MAP3K4: variants seen among roughly 807,000 people sequenced by gnomAD.
MAP3K4 encodes mitogen-activated protein kinase kinase kinase 4.
A neutral mutation model predicts 185.6 loss-of-function variants in MAP3K4; 67 were observed. The observed-to-expected ratio is 0.36, with a 90% confidence interval of 0.30 to 0.44. The LOEUF (loss-of-function observed/expected upper bound fraction) is 0.44. Among genes scored for constraint, MAP3K4 ranks in the 20% least tolerant of loss-of-function variants. The pLI, the probability that MAP3K4 is intolerant of heterozygous loss-of-function variation, is 1.00. For missense variants in MAP3K4, 1,551 were observed against 1,995.1 expected, an observed-to-expected ratio of 0.78 and a Z score of 4.24; for synonymous variants, 702 against 710.4, an observed-to-expected ratio of 0.99 and a Z score of 0.19.
chr6:160,997,413 T>C (rs1562468855), intron 1 of MAP3K4, among the ~76,000 whole-genome samples: 2 of 152,228 alleles, frequency 1.3e-5, no homozygotes, highest in Non-Finnish European at 2.9e-5. Flanking sequence ...TAAAATTAAA[T>C]TTTAAAAAAT....
chr6:161,067,168 TC>T lies in MAP3K4; in HGVS notation c.1708-3439del. 1 of 317,560 alleles carries T rather than the reference TC, an allele frequency of 3.1e-6. No individual in the cohort carries two copies. The highest frequency in any genetic ancestry group is 1.1e-4 in the East Asian group (1 of 9,062). The allele number at this position is 317,560 out of a possible 1,614,324, so 19.7% of individuals were successfully genotyped here. ...TCCTGACTATGTGTGCCCAAGGTGGTCAGGGCACAGCTTGGTTTTATACATT... is the reference window on the plus strand; with the variant it reads ...TCCTGACTATGTGTGCCCAAGGTGGTAGGGCACAGCTTGGTTTTATACATT... On this transcript the variant is annotated intron_variant, in intron 3 of 26. Coordinates refer to ENST00000392142, the MANE Select transcript of MAP3K4 (RefSeq NM_005922.4). The surrounding 1 kb of genome is among the most constrained non-coding windows in gnomAD (Gnocchi z 6.3).
At chr6:160,998,367 T>C (rs1307567284) in intron 1 of MAP3K4, among the ~76,000 whole-genome samples, 4 of 152,218 alleles carry the variant, frequency 2.6e-5, no homozygotes, top group Non-Finnish European at 5.9e-5. Flanking sequence ...AAACTTTTTA[T>C]GATGAACGTG....
intron 1 of MAP3K4, among the ~76,000 whole-genome samples, chr6:161,014,207 C>G (rs928544629): frequency 6.6e-6 from 1 of 152,156 alleles, no homozygotes; most frequent in African/African-American, 2.4e-5. Context: ...TAATAAAAGA[C>G]AAAGGAGCGC....
Position 161,022,913 on chromosome 6 carries a change from A to G in MAP3K4, c.153-11346A>G, listed in dbSNP as rs1347487163. ...TAAGTACTCCGTGCCTAACGGTAGC[A>G]ATTATACTGTTACAGTGAAAATTCT... On this transcript the variant is annotated intron_variant, in intron 1 of 26. Coordinates refer to ENST00000392142, the MANE Select transcript of MAP3K4 (RefSeq NM_005922.4). The surrounding 1 kb of genome is among the most constrained non-coding windows in gnomAD (Gnocchi z 4.2). 6.6e-6 allele frequency among the ~76,000 whole-genome samples: 1 copy of G among 152,212 alleles called. No homozygotes were observed. The highest frequency in any genetic ancestry group is 1.5e-5 in the Non-Finnish European group (1 of 68,038).
chr6:161,081,268 TG>T (rs1474777497), intron 6 of MAP3K4, among the ~76,000 whole-genome samples: 1 of 114,724 alleles, frequency 8.7e-6, no homozygotes, highest in African/African-American at 3.4e-5. Context: ...TGGTCATGAC[TG>T]GGAAGATGCT....
rs78275214 is a variant in MAP3K4 at position 161,008,603 on chromosome 6, A to G, written c.152+16520A>G. 0.047 allele frequency among the ~76,000 whole-genome samples: 7,134 copies of G among 152,250 alleles called. 212 individuals carry two copies. Among genetic ancestry groups the G allele is most frequent in the Non-Finnish European group, 0.056 (3,778 of 68,002 alleles). ...ATTTTTGTATGATATTTATTGTTGTATAATTTAACAAAGACATACTTGTGT... is the reference window on the plus strand; with the variant it reads ...ATTTTTGTATGATATTTATTGTTGTGTAATTTAACAAAGACATACTTGTGT... On this transcript the variant is annotated intron_variant, in intron 1 of 26. Coordinates refer to ENST00000392142, the MANE Select transcript of MAP3K4 (RefSeq NM_005922.4). The surrounding 1 kb of genome is among the most constrained non-coding windows in gnomAD (Gnocchi z 4.1).
At position 161,106,353 on chromosome 6, in the gene MAP3K4, C is replaced by T. The variant is rs983731734; in HGVS notation, c.3857-161C>T. Among the ~76,000 whole-genome samples the T allele has an allele frequency of 5.3e-5, 8 of 152,062 alleles. No homozygotes were observed. Among genetic ancestry groups the T allele is most frequent in the South Asian group, 2.1e-4 (1 of 4,810 alleles). The stretch of plus-strand genomic sequence containing the variant: ...GGGTGGCATATGCTGGAATGAGTAG[C>T]GTTTGAAGAACTTTAATTCACCTGC... On this transcript the variant is annotated intron_variant, in intron 19 of 26. Coordinates refer to ENST00000392142, the MANE Select transcript of MAP3K4 (RefSeq NM_005922.4). The surrounding 1 kb of genome is among the most constrained non-coding windows in gnomAD (Gnocchi z 4.9).
intron 25 of MAP3K4, among the ~76,000 whole-genome samples, chr6:161,113,985 CAG>C (rs1554288516): frequency 2.0e-5 from 3 of 151,790 alleles, no homozygotes; most frequent in Non-Finnish European, 4.4e-5. Flanking sequence ...TTGGTAGAGA[CAG>C]GGTTTCACTG....
chr6:161,012,669 A>G (rs967080763), intron 1 of MAP3K4, among the ~76,000 whole-genome samples: 2 of 152,184 alleles, frequency 1.3e-5, no homozygotes, highest in Non-Finnish European at 2.9e-5. Flanking sequence ...TCTCAAATCC[A>G]TATTTGTTAC....
chr6:161,103,363 C>T lies in MAP3K4; in HGVS notation c.3856+584C>T, dbSNP rs981060985. Among the ~76,000 whole-genome samples, 1 of 152,208 alleles carries T rather than the reference C, an allele frequency of 6.6e-6. No individual in the cohort carries two copies. Among genetic ancestry groups the T allele is most frequent in the African/African-American group, 2.4e-5 (1 of 41,452 alleles). ...GTCTCAAGTCTAGCGCACTCCATGG[C>T]AGCTTCCCTTTGAACTTTGTGTGAC... On this transcript the variant is annotated intron_variant, in intron 19 of 26. Coordinates refer to ENST00000392142, the MANE Select transcript of MAP3K4 (RefSeq NM_005922.4). This position sits in a 1 kb window ranked among gnomAD's most constrained non-coding sequence, Gnocchi z 4.6.
At position 161,107,529 on chromosome 6, in the gene MAP3K4, T is replaced by G. The variant is rs1016227100; in HGVS notation, c.4049-370T>G. ...CCAGTGAGGAAGACAATGGTCAGGC[T>G]TAGTCCTGGCTGTTTTCTGCTGCTC... On this transcript the variant is annotated intron_variant, in intron 20 of 26. Coordinates refer to ENST00000392142, the MANE Select transcript of MAP3K4 (RefSeq NM_005922.4). This position sits in a 1 kb window ranked among gnomAD's most constrained non-coding sequence, Gnocchi z 6.2. 6.6e-6 allele frequency among the ~76,000 whole-genome samples: 1 copy of G among 152,206 alleles called. No individual in the cohort carries two copies. The highest frequency in any genetic ancestry group is 1.5e-5 in the Non-Finnish European group (1 of 68,030).
chr6:161,070,699 C>G lies in MAP3K4; in HGVS notation c.1799C>G (p.Ser600Trp). The G allele has an allele frequency of 6.2e-7, 1 of 1,614,028 alleles. No homozygotes were observed. The highest frequency in any genetic ancestry group is 8.5e-7 in the Non-Finnish European group (1 of 1,180,014). The change falls in exon 4 of 27, where the codon TCG becomes TGG. Residue 600 changes from serine to tryptophan, a missense_variant. Physicochemically the swap from Ser to Trp is radical, Grantham distance 177. This residue lies in a region of MAP3K4 where 86 missense variants were observed against 81.6 expected (regional missense o/e 1.05). Transcript: ENST00000392142. The surrounding 1 kb of genome is among the most constrained non-coding windows in gnomAD (Gnocchi z 4.5). ...TCTGAGGAGAAATGCAGTGCTGTGT[C>G]GTGGGAGGAGCTGAAGGCCATGGAT... ...PSSEEKCSAVSWEELKAMDLP... is the reference protein window; with the variant it reads ...PSSEEKCSAVWWEELKAMDLP...
chr6:161,060,612 C>CT (rs1784441243), intron 3 of MAP3K4, among the ~76,000 whole-genome samples: 1 of 136,856 alleles, frequency 7.3e-6, no homozygotes, highest in Non-Finnish European at 1.6e-5. Flanking sequence ...GTTTTGTTTT[C>CT]TTTTTCTTTT....
In MAP3K4 at chr6:161,048,612, A is replaced by G. The variant is rs904577409; in HGVS notation, c.344-4A>G. 6.5e-7 allele frequency: 1 copy of G among 1,545,522 alleles called. No individual in the cohort carries two copies. The highest frequency in any genetic ancestry group is 1.4e-5 in the African/African-American group (1 of 71,310). On this transcript the variant is annotated splice_polypyrimidine_tract_variant and splice_region_variant and intron_variant, in intron 2 of 26. Transcript: ENST00000392142. This position sits in a 1 kb window ranked among gnomAD's most constrained non-coding sequence, Gnocchi z 4.7. ...AATGTTCTGTTTATTTTTTTTTTTA[A>G]TAGAAAAAATGAATGCACCAAATCA...
chr6:161,032,295 C>T (rs960604288), intron 1 of MAP3K4, among the ~76,000 whole-genome samples: 1 of 152,116 alleles, frequency 6.6e-6, no homozygotes, highest in Non-Finnish European at 1.5e-5. Flanking sequence ...TAAGGTGAAG[C>T]AGATAGATGA....
intron 7 of MAP3K4, among the ~76,000 whole-genome samples, chr6:161,085,924 C>T (rs1056440925): frequency 1.1e-4 from 16 of 152,126 alleles, no homozygotes; most frequent in African/African-American, 3.6e-4. Context: ...ATACTGCTGC[C>T]TTGAAATTAG....
rs1784772802 is a variant in MAP3K4 at position 161,067,755 on chromosome 6, A to G, written c.1708-2853A>G. ...AGAGACAAGAATTTTTTCCTTTCAG[A>G]CGTTTAATCTTGATGGTAATTTTAT... On this transcript the variant is annotated intron_variant, in intron 3 of 26. Coordinates refer to ENST00000392142, the MANE Select transcript of MAP3K4 (RefSeq NM_005922.4). The surrounding 1 kb of genome is among the most constrained non-coding windows in gnomAD (Gnocchi z 6.3). Among the ~76,000 whole-genome samples, 1 of 152,194 alleles carries G rather than the reference A, an allele frequency of 6.6e-6. No homozygotes were observed. Among genetic ancestry groups the G allele is most frequent in the Non-Finnish European group, 1.5e-5 (1 of 68,024 alleles).
At chr6:161,014,334 G>A (rs77776699) in intron 1 of MAP3K4, among the ~76,000 whole-genome samples, 3,256 of 152,306 alleles carry the variant, frequency 0.021, 137 homozygotes, top group African/African-American at 0.074. Flanking sequence ...GAGAGTTAAT[G>A]TAGAACCTGT....
At position 161,112,890 on chromosome 6, in the gene MAP3K4, G is replaced by A. The variant is rs745441121; in HGVS notation, c.4626+116G>A. 2.7e-5 allele frequency: 15 copies of A among 548,630 alleles called. No homozygotes were observed. Among genetic ancestry groups the A allele is most frequent in the Admixed American group, 1.2e-4 (3 of 25,086 alleles). The allele number at this position is 548,630 out of a possible 1,614,324, so 34.0% of individuals were successfully genotyped here. ...ACACTGTGGACACTAAATAGCGAAC[G>A]ATATTAGATACAAAAATCTGATCCA... On this transcript the variant is annotated intron_variant, in intron 25 of 26. Transcript: ENST00000392142. The surrounding 1 kb of genome is among the most constrained non-coding windows in gnomAD (Gnocchi z 5.1).
Sources: allele counts gnomAD v4.1 joint callset (sites outside exome capture counted in the v4.1 genomes callset), GRCh38; gene constraint gnomAD v4.1.1; regional missense constraint gnomAD v4.1.1; non-coding constraint Gnocchi (gnomAD v3.1); transcripts MANE v1.5; gene names NCBI Gene and HGNC (gene_info 2026-07-23, HGNC 2026-07-21).